Variants in REDIC1 observed in about 807,000 individuals in gnomAD.
REDIC1 encodes regulator of DNA class I crossover intermediates 1, also known as HEI10 Interacting Protein 1.
chr12:39,870,227 A>G, the REDIC1 span, among the ~76,000 whole-genome samples: 1 of 152,192 alleles, frequency 6.6e-6, no homozygotes, highest in Non-Finnish European at 1.5e-5. Flanking sequence ...GTAGCAATAT[A>G]CTGGAGTTCT....
chr12:39,855,711 A>G, the REDIC1 span, among the ~76,000 whole-genome samples: 4 of 152,210 alleles, frequency 2.6e-5, no homozygotes, highest in Admixed American at 1.3e-4. Context: ...CGATTTCCTA[A>G]GCTGTATAGA....
At chr12:39,628,318 T>C in the REDIC1 span, among the ~76,000 whole-genome samples, 1 of 152,188 alleles carries the variant, frequency 6.6e-6, no homozygotes, top group African/African-American at 2.4e-5. Context: ...TGTCTCCATT[T>C]TCTATTTTCA....
chr12:39,814,632 G>A, the REDIC1 span, among the ~76,000 whole-genome samples: 2 of 152,078 alleles, frequency 1.3e-5, no homozygotes, highest in African/African-American at 4.8e-5. Context: ...TTTAAAGAGA[G>A]GAAAAACATA....
the REDIC1 span, among the ~76,000 whole-genome samples, chr12:39,712,615 AGAT>A: frequency 4.9e-5 from 7 of 144,172 alleles, no homozygotes; most frequent in Non-Finnish European, 7.6e-5. Context: ...ATGTATATAT[AGAT>A]ATGTGTATAT....
At chr12:39,641,714 T>C in the REDIC1 span, among the ~76,000 whole-genome samples, 2 of 151,694 alleles carry the variant, frequency 1.3e-5, no homozygotes, top group South Asian at 4.1e-4. Flanking sequence ...GTAAGATTCC[T>C]TTATATAAAG....
At chr12:39,712,430 A>G in the REDIC1 span, among the ~76,000 whole-genome samples, 1 of 116,414 alleles carries the variant, frequency 8.6e-6, no homozygotes, top group Admixed American at 9.5e-5. Flanking sequence ...ATACGTATAT[A>G]TACATACGTA....
At chr12:39,710,375 T>A in the REDIC1 span, among the ~76,000 whole-genome samples, 1 of 151,806 alleles carries the variant, frequency 6.6e-6, no homozygotes, top group Non-Finnish European at 1.5e-5. Context: ...TTCTTGAAAC[T>A]TGAATCTTTT....
the REDIC1 span, chr12:39,871,965 C>A: frequency 1.9e-6 from 3 of 1,571,950 alleles, no homozygotes; most frequent in Admixed American, 3.7e-5. Context: ...GTAGTACCTG[C>A]AAAGCAATGA....
chr12:39,824,343 G>C, the REDIC1 span, among the ~76,000 whole-genome samples: 9 of 152,158 alleles, frequency 5.9e-5, no homozygotes, highest in South Asian at 2.1e-4. Flanking sequence ...GTTTATTCTA[G>C]CAGCGCTCTT....
the REDIC1 span, among the ~76,000 whole-genome samples, chr12:39,859,190 A>G: frequency 6.6e-6 from 1 of 152,138 alleles, no homozygotes; most frequent in Non-Finnish European, 1.5e-5. Flanking sequence ...GGAAAATGTG[A>G]AACTATCACT....
chr12:39,905,363 G>A, the REDIC1 span, among the ~76,000 whole-genome samples: 1 of 152,070 alleles, frequency 6.6e-6, no homozygotes, highest in Non-Finnish European at 1.5e-5. Flanking sequence ...GCTGCACAGT[G>A]CGCTGTGGGC....
At chr12:39,792,269 A>G in the REDIC1 span, among the ~76,000 whole-genome samples, 4 of 146,552 alleles carry the variant, frequency 2.7e-5, no homozygotes, top group South Asian at 6.8e-4. Context: ...AACCATAAAA[A>G]CCCTAGAAGA....
At chr12:39,794,151 C>CAAAAA in the REDIC1 span, among the ~76,000 whole-genome samples, 1 of 89,200 alleles carries the variant, frequency 1.1e-5, no homozygotes, top group Non-Finnish European at 2.4e-5. Flanking sequence ...AAAAAAAAAC[C>CAAAAA]AAAACAAAAC....
the REDIC1 span, among the ~76,000 whole-genome samples, chr12:39,665,732 A>C: frequency 7.3e-5 from 11 of 150,788 alleles, no homozygotes; most frequent in African/African-American, 2.7e-4. Flanking sequence ...ATTTGTTTGT[A>C]TCCTCTTTTA....
the REDIC1 span, among the ~76,000 whole-genome samples, chr12:39,842,885 G>C: frequency 2.0e-5 from 3 of 151,782 alleles, no homozygotes; most frequent in Admixed American, 1.3e-4. Flanking sequence ...TGTTGTTTCT[G>C]GCCTCTTTCA....
chr12:39,844,047 T>C, the REDIC1 span, among the ~76,000 whole-genome samples: 8 of 152,028 alleles, frequency 5.3e-5, no homozygotes, highest in Non-Finnish European at 1.2e-4. Context: ...ACAGTTTTGC[T>C]TGGGGCTCAT....
At chr12:39,633,462 C>T in the REDIC1 span, among the ~76,000 whole-genome samples, 2,124 of 152,206 alleles carry the variant, frequency 0.014, 49 homozygotes, top group African/African-American at 0.048. Flanking sequence ...CTGCCTGAGG[C>T]TGTTCTAAAA....
At chr12:39,654,838 A>G in the REDIC1 span, among the ~76,000 whole-genome samples, 19 of 152,236 alleles carry the variant, frequency 1.2e-4, no homozygotes, top group Non-Finnish European at 2.1e-4. Flanking sequence ...AGTTTTTCTT[A>G]GAATTCACCA....
chr12:39,707,329 A>G, the REDIC1 span, among the ~76,000 whole-genome samples: 2 of 151,926 alleles, frequency 1.3e-5, no homozygotes, highest in South Asian at 4.1e-4. Flanking sequence ...ACCTCGTTTA[A>G]AATGACTTAT....
Sources: gnomAD v4.1 joint callset for allele counts (sites outside exome capture counted in the v4.1 genomes callset) on GRCh38, gnomAD v4.1.1 for gene constraint, MANE v1.5 for transcripts, NCBI Gene and HGNC (gene_info 2026-07-23, HGNC 2026-07-21) for gene names.